The following ZBTB20 variants were observed in gnomAD, a reference collection of about 807,000 sequenced individuals.
The protein encoded by ZBTB20 is zinc finger and BTB domain-containing protein 20.
In ZBTB20, 9 loss-of-function variants were observed where a neutral mutation model predicts 56.9. That is an observed-to-expected ratio of 0.16 (90% confidence interval 0.10 to 0.28). The LOEUF is 0.28. Among genes scored for constraint, ZBTB20 ranks in the 10% least tolerant of loss-of-function variants. The probability of loss-of-function intolerance (pLI) is 1.00; values close to 1 mark genes in which losing one functional copy is unlikely to be tolerated. For missense variants in ZBTB20, 655 were observed against 1,003.0 expected (o/e 0.65, Z 4.69); for synonymous variants, 417 against 420.7 (o/e 0.99, Z 0.11).
intron 1 of ZBTB20, among the ~76,000 whole-genome samples, chr3:115,077,169 C>A (rs937632338): frequency 6.6e-6 from 1 of 151,920 alleles, no homozygotes; most frequent in Non-Finnish European, 1.5e-5. Flanking sequence ...ACATGAAGAA[C>A]TCCTATAATT....
chr3:115,075,723 G>T (rs1376764480), intron 1 of ZBTB20, among the ~76,000 whole-genome samples: 1 of 152,090 alleles, frequency 6.6e-6, no homozygotes, highest in Non-Finnish European at 1.5e-5. Context: ...CAGCAACACA[G>T]CAAGGATGTT....
intron 5 of ZBTB20, among the ~76,000 whole-genome samples, chr3:114,728,218 TAAG>T (rs1182872092): frequency 1.3e-5 from 2 of 152,136 alleles, no homozygotes; most frequent in African/African-American, 2.4e-5. Context: ...GTAACACTCA[TAAG>T]AAGGAGAAAT....
intron 7 of ZBTB20, among the ~76,000 whole-genome samples, chr3:114,401,356 C>G (rs1180583494): frequency 2.6e-5 from 4 of 152,106 alleles, no homozygotes; most frequent in Admixed American, 2.6e-4. Flanking sequence ...CTCTAACACT[C>G]TTATACTGCA....
chr3:114,359,771 C>T (rs1418479966), intron 10 of ZBTB20, among the ~76,000 whole-genome samples: 1 of 152,136 alleles, frequency 6.6e-6, no homozygotes, highest in African/African-American at 2.4e-5. Context: ...AAAGAAGGAT[C>T]TGTATATTCA....
chr3:114,746,590 G>A (rs2067064522), intron 5 of ZBTB20, among the ~76,000 whole-genome samples: 1 of 152,126 alleles, frequency 6.6e-6, no homozygotes, highest in Admixed American at 6.6e-5. Flanking sequence ...CCACACTACA[G>A]CTTGAAACAG....
intron 5 of ZBTB20, among the ~76,000 whole-genome samples, chr3:114,789,745 G>C (rs1194355007): frequency 1.3e-5 from 2 of 152,010 alleles, no homozygotes. Context: ...AGATTATAAG[G>C]ATCTGCTATT....
chr3:114,891,409 G>C (rs1310087771), intron 4 of ZBTB20, among the ~76,000 whole-genome samples: 1 of 152,180 alleles, frequency 6.6e-6, no homozygotes, highest in African/African-American at 2.4e-5. Flanking sequence ...AGTATCATAA[G>C]ATTCTTGCAT....
At chr3:114,705,741 C>A (rs922614166) in intron 5 of ZBTB20, among the ~76,000 whole-genome samples, 4 of 152,118 alleles carry the variant, frequency 2.6e-5, no homozygotes, top group African/African-American at 9.7e-5. Context: ...CAGTTGTGAG[C>A]CATCCGAACA....
At chr3:114,914,456 G>T (rs2075666733) in intron 3 of ZBTB20, among the ~76,000 whole-genome samples, 1 of 151,970 alleles carries the variant, frequency 6.6e-6, no homozygotes, top group Non-Finnish European at 1.5e-5. Flanking sequence ...TTATTGATCA[G>T]TTCTAATAGT....
chr3:115,111,856 A>C (rs995324822), intron 1 of ZBTB20, among the ~76,000 whole-genome samples: 59 of 152,166 alleles, frequency 3.9e-4, no homozygotes, highest in Non-Finnish European at 8.2e-4. Flanking sequence ...TGCTGGCTGT[A>C]AATACAGTGT....
At chr3:115,030,320 T>G (rs1460039244) in intron 2 of ZBTB20, among the ~76,000 whole-genome samples, 1 of 151,154 alleles carries the variant, frequency 6.6e-6, no homozygotes, top group African/African-American at 2.4e-5. Context: ...CTTTGAATTA[T>G]CAGGCTGGAA....
intron 1 of ZBTB20, among the ~76,000 whole-genome samples, chr3:115,081,089 G>A (rs1004979518): frequency 7.2e-5 from 11 of 152,072 alleles, no homozygotes; most frequent in African/African-American, 4.8e-5. Flanking sequence ...TGGGAAAACT[G>A]TTTCTAATTA....
intron 5 of ZBTB20, among the ~76,000 whole-genome samples, chr3:114,793,691 A>C (rs2071139750): frequency 6.6e-6 from 1 of 152,144 alleles, no homozygotes; most frequent in Admixed American, 6.6e-5. Context: ...CTAGCATCCA[A>C]GAGAAGAACA....
intron 1 of ZBTB20, among the ~76,000 whole-genome samples, chr3:115,141,753 C>A (rs539737344): frequency 4.6e-5 from 7 of 152,334 alleles, no homozygotes; most frequent in Non-Finnish European, 1.0e-4. Context: ...AGCCTAGTAT[C>A]TCTGGCAAAG....
At chr3:114,634,698 T>C (rs2059156038) in intron 6 of ZBTB20, among the ~76,000 whole-genome samples, 1 of 152,160 alleles carries the variant, frequency 6.6e-6, no homozygotes, top group Admixed American at 6.5e-5. Context: ...TGCAATTTCA[T>C]GTTAGAATGT....
intron 10 of ZBTB20, among the ~76,000 whole-genome samples, chr3:114,373,214 C>G (rs1012704724): frequency 2.6e-5 from 4 of 152,204 alleles, no homozygotes; most frequent in Non-Finnish European, 5.9e-5. Context: ...GCGCCTTGCC[C>G]CCTCAGAATA....
At chr3:114,798,088 C>A (rs1046147663) in intron 5 of ZBTB20, among the ~76,000 whole-genome samples, 15 of 151,566 alleles carry the variant, frequency 9.9e-5, no homozygotes, top group Non-Finnish European at 1.8e-4. Flanking sequence ...ATGGAAATGA[C>A]CCCTGGCAAC....
rs113894692 is a variant in ZBTB20 at position 114,661,027 on chromosome 3, A to G, written c.-295+32501T>C. On this transcript the variant is annotated intron_variant, in intron 6 of 11. Coordinates refer to ENST00000675478, the MANE Select transcript of ZBTB20 (RefSeq NM_001348800.3). ...CATGTGGATTATCTAAACTATGAAAAGCAACAGGGAGCACTTCCCAAGAAA... is the reference window on the plus strand; with the variant it reads ...CATGTGGATTATCTAAACTATGAAAGGCAACAGGGAGCACTTCCCAAGAAA... Among the ~76,000 whole-genome samples the G allele has an allele frequency of 8.5e-3, 1,291 of 152,264 alleles. 14 individuals are homozygous for G. Among genetic ancestry groups the G allele is most frequent in the Non-Finnish European group, 0.012 (819 of 68,016 alleles).
chr3:114,422,940 T>C (rs2089319776), intron 7 of ZBTB20, among the ~76,000 whole-genome samples: 1 of 152,198 alleles, frequency 6.6e-6, no homozygotes. Flanking sequence ...AGTCAAAGTC[T>C]ACTTCACCCC....
Sources: gnomAD v4.1 joint callset for allele counts (sites outside exome capture counted in the v4.1 genomes callset) on GRCh38, gnomAD v4.1.1 for gene constraint, MANE v1.5 for transcripts, NCBI Gene and HGNC (gene_info 2026-07-23, HGNC 2026-07-21) for gene names.